Variants in CNTN4 observed in about 807,000 individuals in gnomAD.
CNTN4 encodes the protein contactin-4.
In CNTN4, 77 loss-of-function variants were observed where a neutral mutation model predicts 122.5. That is an observed-to-expected ratio of 0.63 (90% CI 0.52 to 0.76). CNTN4 has a LOEUF of 0.76. Among genes scored for constraint, CNTN4 ranks in the 30% least tolerant of loss-of-function variants. CNTN4 has a pLI of 0.00. For missense variants in CNTN4, 1,256 were observed against 1,259.1 expected (o/e 1.00, Z 0.04); for synonymous variants, 512 against 447.0 (o/e 1.15, Z -1.83).
chr3:2,900,632 A>G (rs1338873239), intron 10 of CNTN4, 53 bp from the exon 11 acceptor site: 7 of 1,584,996 alleles, frequency 4.4e-6, no homozygotes, highest in Non-Finnish European at 5.2e-6. Flanking sequence ...TGATAAAAAT[A>G]GATTGAGTAC....
intron 2 of CNTN4, among the ~76,000 whole-genome samples, chr3:2,263,288 C>T (rs537623037): frequency 1.3e-5 from 2 of 152,074 alleles, no homozygotes; most frequent in East Asian, 1.9e-4. Context: ...CAGCTCTTAA[C>T]GGTGTCAGCA....
intron 10 of CNTN4, among the ~76,000 whole-genome samples, chr3:2,895,834 A>G (rs550196212): frequency 7.9e-5 from 12 of 152,310 alleles, no homozygotes; most frequent in South Asian, 2.1e-4. Flanking sequence ...GGAGATCGAG[A>G]CCATCCTGGC....
intron 13 of CNTN4, among the ~76,000 whole-genome samples, chr3:2,926,964 G>A (rs2094479036): frequency 3.9e-5 from 6 of 152,114 alleles, no homozygotes; most frequent in Admixed American, 3.9e-4. Flanking sequence ...TCATCAACAT[G>A]AGATTCATTT....
intron 4 of CNTN4, among the ~76,000 whole-genome samples, chr3:2,704,789 T>C (rs1576506690): frequency 6.6e-6 from 1 of 152,316 alleles, no homozygotes; most frequent in Non-Finnish European, 1.5e-5. Context: ...TACAATACTT[T>C]AAGATGTAAT....
chr3:2,824,416 C>T (rs1404930664), intron 7 of CNTN4, among the ~76,000 whole-genome samples: 3 of 151,594 alleles, frequency 2.0e-5, no homozygotes, highest in Non-Finnish European at 1.5e-5. Context: ...GAGATCGCGC[C>T]ACTGCACTCC....
chr3:2,690,112 TGATAA>T (rs1370792779), intron 4 of CNTN4, among the ~76,000 whole-genome samples: 1 of 152,180 alleles, frequency 6.6e-6, no homozygotes, highest in Non-Finnish European at 1.5e-5. Context: ...CCAATTCCTG[TGATAA>T]GATATTAGGG....
At chr3:2,574,717 T>C (rs2079581643) in intron 4 of CNTN4, among the ~76,000 whole-genome samples, 1 of 152,132 alleles carries the variant, frequency 6.6e-6, no homozygotes, top group Non-Finnish European at 1.5e-5. Flanking sequence ...AAAATGTTCT[T>C]ACAGAAGTAA....
intron 7 of CNTN4, among the ~76,000 whole-genome samples, chr3:2,863,745 C>A (rs1203408156): frequency 6.7e-6 from 1 of 148,794 alleles, no homozygotes; most frequent in Non-Finnish European, 1.5e-5. Context: ...CTTAAACACT[C>A]TCTAAGGAGT....
chr3:2,275,174 G>A (rs1313514874), intron 2 of CNTN4, among the ~76,000 whole-genome samples: 6 of 152,198 alleles, frequency 3.9e-5, no homozygotes, highest in Non-Finnish European at 7.3e-5. Context: ...GCTGTAAGTG[G>A]TTAATTATGA....
chr3:2,488,789 C>T (rs1032958372), intron 3 of CNTN4, among the ~76,000 whole-genome samples: 7 of 152,252 alleles, frequency 4.6e-5, no homozygotes, highest in Admixed American at 2.0e-4. Context: ...TAGCATTCAA[C>T]GGAAATGCAT....
intron 6 of CNTN4, among the ~76,000 whole-genome samples, chr3:2,806,616 T>A (rs966326672): frequency 6.6e-6 from 1 of 152,228 alleles, no homozygotes; most frequent in Non-Finnish European, 1.5e-5. Flanking sequence ...TTCAGCAGCT[T>A]AGAAGTTTTG....
At chr3:2,169,506 C>A (rs919847940) in intron 2 of CNTN4, among the ~76,000 whole-genome samples, 27 of 151,230 alleles carry the variant, frequency 1.8e-4, no homozygotes, top group East Asian at 6.2e-4. Flanking sequence ...TCCCGGGTTC[C>A]CGCCATTCTC....
chr3:2,385,331 G>C lies in CNTN4; in HGVS notation c.-89+46098G>C, dbSNP rs868723972. Among the ~76,000 whole-genome samples the C allele has an allele frequency of 3.3e-5, 5 of 151,916 alleles. No individual in the cohort carries two copies. Among genetic ancestry groups the C allele is most frequent in the Middle Eastern group, 3.4e-3 (1 of 292 alleles). ...ACAAACAATACCTGTTTATAGTTTT[G>C]TTTATATTACTCTTGTTGCACTGAA... On this transcript the variant is annotated intron_variant, in intron 3 of 24. Coordinates refer to ENST00000418658, the MANE Select transcript of CNTN4 (RefSeq NM_175607.3). This position sits in a 1 kb window ranked among gnomAD's most constrained non-coding sequence, Gnocchi z 4.0.
chr3:2,668,822 C>A (rs906581918), intron 4 of CNTN4, among the ~76,000 whole-genome samples: 19 of 152,130 alleles, frequency 1.2e-4, no homozygotes, highest in Non-Finnish European at 2.2e-4. Context: ...AATTTTGTCA[C>A]AGGCCTTTTC....
At chr3:2,553,919 A>G (rs1234257822) in intron 3 of CNTN4, among the ~76,000 whole-genome samples, 3 of 152,200 alleles carry the variant, frequency 2.0e-5, no homozygotes, top group African/African-American at 7.2e-5. Flanking sequence ...GTATGAATTA[A>G]CAACTAAAGA....
intron 2 of CNTN4, among the ~76,000 whole-genome samples, chr3:2,289,541 C>T (rs2042057512): frequency 6.6e-6 from 1 of 152,166 alleles, no homozygotes; most frequent in African/African-American, 2.4e-5. Flanking sequence ...GGGCTGAAGA[C>T]ATCTGCTTTA....
At chr3:2,603,005 A>C (rs2081111571) in intron 4 of CNTN4, among the ~76,000 whole-genome samples, 1 of 152,196 alleles carries the variant, frequency 6.6e-6, no homozygotes. Context: ...TAGTAAATAC[A>C]ATTATGAGAG....
At chr3:2,595,585 G>C (rs951170396) in intron 4 of CNTN4, among the ~76,000 whole-genome samples, 49 of 152,110 alleles carry the variant, frequency 3.2e-4, no homozygotes, top group African/African-American at 1.2e-3. Flanking sequence ...TGGACCCCTT[G>C]GCTCCAGGCC....
intron 2 of CNTN4, among the ~76,000 whole-genome samples, chr3:2,318,374 G>A (rs1329426148): frequency 1.3e-5 from 2 of 152,088 alleles, no homozygotes; most frequent in African/African-American, 2.4e-5. Context: ...AGAAGAGGTT[G>A]GCCCTGTCTC....
Sources: gnomAD v4.1 joint callset for allele counts (sites outside exome capture counted in the v4.1 genomes callset) on GRCh38, gnomAD v4.1.1 for gene constraint, Gnocchi (gnomAD v3.1) non-coding constraint, MANE v1.5 for transcripts, NCBI Gene and HGNC (gene_info 2026-07-23, HGNC 2026-07-21) for gene names.